BAZ2B: variants seen among roughly 807,000 people sequenced by gnomAD.
The protein encoded by BAZ2B is bromodomain adjacent to zinc finger domain protein 2B.
A neutral mutation model predicts 246.0 loss-of-function variants in BAZ2B; 91 were observed. That is an observed-to-expected ratio of 0.37 (90% CI 0.31 to 0.44). The LOEUF is 0.44. Among genes scored for constraint, BAZ2B ranks in the 20% least tolerant of loss-of-function variants. BAZ2B has a pLI of 1.00. For missense variants in BAZ2B, 2,332 were observed against 2,533.7 expected (o/e 0.92, Z 1.71); for synonymous variants, 855 against 860.0 (o/e 0.99, Z 0.10).
At chr2:159,465,862 TG>T (rs1282524565) in intron 3 of BAZ2B, among the ~76,000 whole-genome samples, 1 of 151,404 alleles carries the variant, frequency 6.6e-6, no homozygotes, top group African/African-American at 2.4e-5. Context: ...TGCAGTGAGC[TG>T]AGATTGCACC....
intron 1 of BAZ2B, among the ~76,000 whole-genome samples, chr2:159,613,459 TAAAA>T (rs70997176): frequency 0.37 from 53,267 of 144,372 alleles, 9,713 homozygotes; most frequent in South Asian, 0.47. Context: ...TCTGATTTTC[TAAAA>T]AAAAAAAAAA....
intron 27 of BAZ2B, among the ~76,000 whole-genome samples, chr2:159,369,852 A>C (rs2060627050): frequency 6.6e-6 from 1 of 152,220 alleles, no homozygotes; most frequent in African/African-American, 2.4e-5. Flanking sequence ...TCTTTATAGC[A>C]GCATGATTTA....
chr2:159,688,189 G>A, the BAZ2B span, among the ~76,000 whole-genome samples: 1 of 148,930 alleles, frequency 6.7e-6, no homozygotes, highest in Non-Finnish European at 1.5e-5. Flanking sequence ...ACAGGCATGT[G>A]CCACCACACC....
At chr2:159,522,099 G>C (rs921957644) in intron 2 of BAZ2B, among the ~76,000 whole-genome samples, 2 of 151,562 alleles carry the variant, frequency 1.3e-5, no homozygotes, top group Non-Finnish European at 2.9e-5. Context: ...TACTATCCTG[G>C]TCTGCAAATG....
the BAZ2B span, among the ~76,000 whole-genome samples, chr2:159,674,981 G>T: frequency 6.6e-6 from 1 of 152,148 alleles, no homozygotes; most frequent in Non-Finnish European, 1.5e-5. Flanking sequence ...ATTTGTCGCA[G>T]CATTAAGCAA....
intron 33 of BAZ2B, among the ~76,000 whole-genome samples, chr2:159,333,152 A>G (rs1335471460): frequency 6.6e-6 from 1 of 152,220 alleles, no homozygotes; most frequent in African/African-American, 2.4e-5. Context: ...TATTAGTATC[A>G]TAATTACGTA....
chr2:159,552,461 C>T (rs921149025), intron 2 of BAZ2B, among the ~76,000 whole-genome samples: 3 of 152,194 alleles, frequency 2.0e-5, no homozygotes, highest in Admixed American at 2.0e-4. Context: ...GGGAGGAAAG[C>T]TAATAAAAAT....
chr2:159,368,121 G>T (rs2060424221), intron 27 of BAZ2B, among the ~76,000 whole-genome samples: 1 of 152,168 alleles, frequency 6.6e-6, no homozygotes, highest in Non-Finnish European at 1.5e-5. Flanking sequence ...GATAGGGACA[G>T]GTTAACTGAT....
intron 2 of BAZ2B, among the ~76,000 whole-genome samples, chr2:159,537,699 G>A (rs867050640): frequency 2.6e-5 from 4 of 151,932 alleles, no homozygotes; most frequent in Non-Finnish European, 4.4e-5. Flanking sequence ...TCAGTTATTC[G>A]GTTCTCTCAA....
the BAZ2B span, among the ~76,000 whole-genome samples, chr2:159,640,350 C>T: frequency 6.6e-6 from 1 of 152,116 alleles, no homozygotes; most frequent in African/African-American, 2.4e-5. Flanking sequence ...AAAAAATGGG[C>T]CTCATAGCTA....
At chr2:159,471,776 C>T (rs928548962) in intron 3 of BAZ2B, among the ~76,000 whole-genome samples, 1 of 152,014 alleles carries the variant, frequency 6.6e-6, no homozygotes, top group Non-Finnish European at 1.5e-5. Flanking sequence ...TAGATATTTG[C>T]TATTGTCTGT....
upstream of BAZ2B, among the ~76,000 whole-genome samples, chr2:159,621,283 G>A (rs1398256868): frequency 1.3e-5 from 2 of 152,056 alleles, no homozygotes; most frequent in Non-Finnish European, 2.9e-5. Flanking sequence ...TTCACTATGT[G>A]AATTCAAATG....
the BAZ2B span, chr2:159,670,747 T>C: frequency 2.6e-5 from 4 of 152,310 alleles, no homozygotes; most frequent in Admixed American, 2.6e-4. Context: ...AGATCCAAGT[T>C]TTCTGTTAAT....
intron 12 of BAZ2B, 91 bp downstream of exon 12, chr2:159,428,220 A>C: frequency 1.7e-6 from 2 of 1,203,094 alleles, no homozygotes; most frequent in Non-Finnish European, 2.4e-6. Flanking sequence ...AGTATCAAGG[A>C]ACTTTATCTG....
intron 1 of BAZ2B, among the ~76,000 whole-genome samples, chr2:159,578,622 A>G (rs1249518548): frequency 6.6e-6 from 1 of 152,220 alleles, no homozygotes; most frequent in Non-Finnish European, 1.5e-5. Flanking sequence ...CAGAATATAC[A>G]TTCTTCTCAG....
chr2:159,671,650 C>T, the BAZ2B span, among the ~76,000 whole-genome samples: 150 of 152,200 alleles, frequency 9.9e-4, 1 homozygote, highest in African/African-American at 3.5e-3. Context: ...CTCAGGAATA[C>T]TCAGTATATT....
At chr2:159,675,537 T>C in the BAZ2B span, among the ~76,000 whole-genome samples, 1 of 152,102 alleles carries the variant, frequency 6.6e-6, no homozygotes, top group Non-Finnish European at 1.5e-5. Context: ...AGAAAGACAA[T>C]CTGAAGAAAT....
chr2:159,447,124 T>A, intron 5 of BAZ2B, 149 bp from the exon 6 acceptor site: 1 of 574,746 alleles, frequency 1.7e-6, no homozygotes, highest in Non-Finnish European at 2.8e-6. Flanking sequence ...TCCATCTACA[T>A]GAAATATTCA....
At chr2:159,452,992 C>T (rs1179727575) in intron 4 of BAZ2B, among the ~76,000 whole-genome samples, 3 of 152,106 alleles carry the variant, frequency 2.0e-5, no homozygotes, top group Admixed American at 6.6e-5. Context: ...CCCAGCTACT[C>T]GGGAGGCTGA....
Sources: allele counts gnomAD v4.1 joint callset (sites outside exome capture counted in the v4.1 genomes callset), GRCh38; gene constraint gnomAD v4.1.1; transcripts MANE v1.5; gene names NCBI Gene and HGNC (gene_info 2026-07-23, HGNC 2026-07-21).